SPRR4: variants seen among roughly 807,000 people sequenced by gnomAD.
SPRR4 encodes small proline rich protein 4.
For synonymous variants in SPRR4, 30 were observed against 34.3 expected (o/e 0.87, Z 0.44); for missense variants, 106 against 91.6 (o/e 1.16, Z -0.64).
Position 152,972,482 on chromosome 1 carries a change from G to T in SPRR4, c.*352G>T, listed in dbSNP as rs1266141742. 6.5e-6 allele frequency: 2 copies of T among 306,816 alleles called. No individual in the cohort carries two copies. Among genetic ancestry groups the T allele is most frequent in the East Asian group, 7.9e-5 (1 of 12,708 alleles). 19.0% of individuals were successfully genotyped at this position (306,816 alleles called of 1,614,324 possible). A position where few individuals can be genotyped will look rare whatever the true frequency, so the allele number is the denominator to read the frequency against. On this transcript the variant is annotated 3_prime_UTR_variant, in exon 2 of 2. Coordinates refer to ENST00000328051, the MANE Select transcript of SPRR4 (RefSeq NM_173080.3). ...CTGACAAGTAGGGTCACAGAGGCTG[G>T]TGCACAGTTTCTGCCTCATTCCTCT...
intron 1 of SPRR4, among the ~76,000 whole-genome samples, chr1:152,971,537 G>A (rs1472257782): frequency 6.6e-6 from 1 of 151,276 alleles, no homozygotes; most frequent in Non-Finnish European, 1.5e-5. Flanking sequence ...TTAGAGATCA[G>A]GCCTCTGCAT....
At chr1:152,969,519 C>T (rs1651770259), upstream of SPRR4, among the ~76,000 whole-genome samples, 1 of 152,120 alleles carries the variant, frequency 6.6e-6, no homozygotes, top group African/African-American at 2.4e-5. Flanking sequence ...TGGGCAGCAT[C>T]CTGAGGTCGA....
At chr1:152,969,855 T>C (rs1651779945), upstream of SPRR4, among the ~76,000 whole-genome samples, 1 of 152,206 alleles carries the variant, frequency 6.6e-6, no homozygotes, top group Non-Finnish European at 1.5e-5. Context: ...GCCAATTCTA[T>C]CCCATGTTCT....
rs1557880842 is a variant in SPRR4, at chr1:152,971,904, A to G, written c.14A>G (p.Gln5Arg). 1.2e-6 allele frequency: 2 copies of G among 1,614,028 alleles called. No homozygotes were observed. The highest frequency in any genetic ancestry group is 2.2e-5 in the East Asian group (1 of 44,872). Residue 5 changes from glutamine to arginine, a missense_variant, in exon 2 of 2, where the codon CAG becomes CGG. By Grantham distance (43) the Gln-to-Arg change is conservative. Coordinates refer to ENST00000328051, the MANE Select transcript of SPRR4 (RefSeq NM_173080.3). ...GTTCCTAGAGCAATGTCTTCCCAGC[A>G]GCAGCAGCGGCAGCAGCAGCAGTGC... MSSQ[Q>R]QQRQQQQCPP... is the part of the protein sequence containing the mutation.
At chr1:152,971,584 A>T (rs943901471) in intron 1 of SPRR4, among the ~76,000 whole-genome samples, 122 of 139,318 alleles carry the variant, frequency 8.8e-4, no homozygotes, top group African/African-American at 1.0e-3. Flanking sequence ...TCTCTCACAC[A>T]CACACACACA....
intron 1 of SPRR4, among the ~76,000 whole-genome samples, chr1:152,971,183 T>C (rs1366083775): frequency 1.3e-5 from 2 of 152,124 alleles, no homozygotes; most frequent in Non-Finnish European, 2.9e-5. Context: ...AATCATTAAC[T>C]TAGACCATAA....
At chr1:152,969,453 C>T (rs1286820647), upstream of SPRR4, among the ~76,000 whole-genome samples, 1 of 152,188 alleles carries the variant, frequency 6.6e-6, no homozygotes, top group African/African-American at 2.4e-5. Flanking sequence ...ATTTCTCAGG[C>T]CATCCTACCC....
chr1:152,972,370 T>G lies in SPRR4; in HGVS notation c.*240T>G. ...CAGGTGGGTGTGAGAGAGACCTCAT[T>G]CTCTGCAGGCTCCAGCGTGGCCACA... On this transcript the variant is annotated 3_prime_UTR_variant, in exon 2 of 2. Coordinates refer to ENST00000328051, the MANE Select transcript of SPRR4 (RefSeq NM_173080.3). 1.6e-6 allele frequency: 1 copy of G among 606,576 alleles called. No homozygotes were observed. Among genetic ancestry groups the G allele is most frequent in the Non-Finnish European group, 2.9e-6 (1 of 346,082 alleles). 37.6% of individuals were successfully genotyped at this position (606,576 alleles called of 1,614,324 possible). A position where few individuals can be genotyped will look rare whatever the true frequency, so the allele number is the denominator to read the frequency against.
intron 1 of SPRR4, among the ~76,000 whole-genome samples, chr1:152,971,277 T>C (rs546283239): frequency 3.3e-5 from 5 of 152,122 alleles, no homozygotes; most frequent in Non-Finnish European, 7.4e-5. Context: ...ATCCTTCTAA[T>C]AAGGGTGCTG....
At chr1:152,970,625 G>C (rs949727716), upstream of SPRR4, 6 of 152,256 alleles carry the variant, frequency 3.9e-5, no homozygotes, top group African/African-American at 7.2e-5. Flanking sequence ...CCCTATAAAG[G>C]CTCCTGGAGT....
chr1:152,969,840 C>G (rs757385922), upstream of SPRR4, among the ~76,000 whole-genome samples: 15 of 152,232 alleles, frequency 9.9e-5, no homozygotes, highest in Non-Finnish European at 2.1e-4. Context: ...AAGTCTACCA[C>G]AGGGGCCAAT....
Position 152,971,944 on chromosome 1 carries a change from CCAG to C in SPRR4, c.63_65del (p.Gln22del). 3.1e-6 allele frequency: 5 copies of C among 1,614,014 alleles called. No individual in the cohort carries two copies. Among genetic ancestry groups the C allele is most frequent in the Non-Finnish European group, 4.2e-6 (5 of 1,180,004 alleles). On this transcript the variant is annotated inframe_deletion, in exon 2 of 2. Coordinates refer to ENST00000328051, the MANE Select transcript of SPRR4 (RefSeq NM_173080.3). Reference sequence around the variant, plus strand: ...AGCAGCAGTGCCCACCCCAGAGGGCCCAGCAGCAGCAAGTGAAGCAGCCTTGTC... The same window carrying C: ...AGCAGCAGTGCCCACCCCAGAGGGCCCAGCAGCAAGTGAAGCAGCCTTGTC...
At position 152,972,223 on chromosome 1, in the gene SPRR4, A is replaced by T; in HGVS notation, c.*93A>T. 6.5e-7 allele frequency: 1 copy of T among 1,541,120 alleles called. No individual in the cohort carries two copies. Among genetic ancestry groups the T allele is most frequent in the African/African-American group, 1.4e-5 (1 of 72,920 alleles). ...CCTCTTCCCTCCAGCTCTTGAGCCT[A>T]CCCTCCTCTCACATCTCCTCCTGCC... On this transcript the variant is annotated 3_prime_UTR_variant, in exon 2 of 2. Coordinates refer to ENST00000328051, the MANE Select transcript of SPRR4 (RefSeq NM_173080.3).
upstream of SPRR4, among the ~76,000 whole-genome samples, chr1:152,970,206 G>A (rs868672993): frequency 1.6e-4 from 24 of 152,296 alleles, no homozygotes; most frequent in Middle Eastern, 3.4e-3. Context: ...GAAATAATAA[G>A]CATGACGGAT....
upstream of SPRR4, among the ~76,000 whole-genome samples, chr1:152,969,457 C>T (rs11586024): frequency 0.081 from 12,330 of 152,248 alleles, 687 homozygotes; most frequent in Non-Finnish European, 0.13. Context: ...CTCAGGCCAT[C>T]CTACCCCTTC....
At chr1:152,970,007 CT>C (rs1211073534), upstream of SPRR4, among the ~76,000 whole-genome samples, 2 of 152,204 alleles carry the variant, frequency 1.3e-5, no homozygotes, top group Admixed American at 6.5e-5. Flanking sequence ...AACTGTCCCC[CT>C]GGAATAGGAA....
Position 152,970,662 on chromosome 1 carries a change from C to T in SPRR4, c.-53C>T, listed in dbSNP as rs1651813093. Reference sequence around the variant, plus strand: ...GCTCTGCCTGTGGACAAGGGCTCAGCCTCCTCTCCTGGGGTCCAGCTTGTC... The same window carrying T: ...GCTCTGCCTGTGGACAAGGGCTCAGTCTCCTCTCCTGGGGTCCAGCTTGTC... On this transcript the variant is annotated 5_prime_UTR_variant, in exon 1 of 2. Coordinates refer to ENST00000328051, the MANE Select transcript of SPRR4 (RefSeq NM_173080.3). 1 of 152,314 alleles carries T rather than the reference C, an allele frequency of 6.6e-6. No homozygotes were observed. The highest frequency in any genetic ancestry group is 2.1e-4 in the South Asian group (1 of 4,830). 9.4% of individuals were successfully genotyped at this position (152,314 alleles called of 1,614,324 possible). A position where few individuals can be genotyped will look rare whatever the true frequency, so the allele number is the denominator to read the frequency against.
At position 152,971,968 on chromosome 1, in the gene SPRR4, T is replaced by A; in HGVS notation, c.78T>A (p.Pro26=). Residue 26 remains proline (P), a synonymous_variant, in exon 2 of 2, where the codon CCT becomes CCA. Coordinates refer to ENST00000328051, the MANE Select transcript of SPRR4 (RefSeq NM_173080.3). ...QRAQQQQVKQ[P]CQPPPVKCQE... ...CCCAGCAGCAGCAAGTGAAGCAGCCTTGTCAGCCACCCCCTGTTAAATGTC... is the reference window on the plus strand; with the variant it reads ...CCCAGCAGCAGCAAGTGAAGCAGCCATGTCAGCCACCCCCTGTTAAATGTC... The A allele has an allele frequency of 1.2e-6, 2 of 1,613,986 alleles. No homozygotes were observed. The highest frequency in any genetic ancestry group is 1.7e-6 in the Non-Finnish European group (2 of 1,179,990).
intron 1 of SPRR4, 123 bp downstream of exon 1, chr1:152,970,817 C>T (rs1420014321): frequency 6.6e-6 from 1 of 152,214 alleles, no homozygotes; most frequent in Non-Finnish European, 1.5e-5. Context: ...TGACACAAGT[C>T]TTCTGACAAT....
Sources: gnomAD v4.1 joint callset for allele counts (sites outside exome capture counted in the v4.1 genomes callset) on GRCh38, gnomAD v4.1.1 for gene constraint, MANE v1.5 for transcripts, NCBI Gene and HGNC (gene_info 2026-07-23, HGNC 2026-07-21) for gene names.